MXRA5: variants seen among roughly 807,000 people sequenced by gnomAD.
MXRA5 encodes the protein matrix-remodeling-associated protein 5.
MXRA5 carries 41 observed loss-of-function variants against 112.5 expected under a neutral mutation model. The ratio of observed to expected loss-of-function variants is 0.36; its 90% CI spans 0.28 to 0.47. The LOEUF is 0.47. MXRA5 is among the 20% of genes least tolerant of loss of function. MXRA5 has a pLI of 0.99. For synonymous variants in MXRA5, 862 were observed against 900.8 expected, an observed-to-expected ratio of 0.96 and a Z score of 0.77; for missense variants, 2,150 against 2,251.0, an observed-to-expected ratio of 0.96 and a Z score of 0.91.
chrX:3,345,265 C>G (rs1922079813), intron 1 of MXRA5, among the ~76,000 whole-genome samples: 2 of 113,291 alleles, frequency 1.8e-5, no homozygotes, highest in Admixed American at 1.8e-4. Flanking sequence ...CCTTCAGCTG[C>G]CCATAAAGAA....
intron 4 of MXRA5, among the ~76,000 whole-genome samples, chrX:3,327,405 G>A (rs112594873): frequency 2.6e-4 from 29 of 112,329 alleles, no homozygotes; most frequent in African/African-American, 9.0e-4. Flanking sequence ...TTGGCCAGCT[G>A]AATTTCATGG....
Position 3,323,599 on chromosome X carries a change from C to T in MXRA5, c.2086G>A (p.Val696Met), listed in dbSNP as rs143552209. Residue 696 changes from valine (V) to methionine (M), a missense_variant, in exon 5 of 7, where the codon GTG becomes ATG. Coordinates refer to ENST00000217939, the MANE Select transcript of MXRA5 (RefSeq NM_015419.4). Reference protein sequence around the residue: ...KALSRVREDIVEDEGGSGMGD... With the variant: ...KALSRVREDIMEDEGGSGMGD... ...ATGCCCGAGCCCCCTTCATCCTCCA[C>T]GATGTCTTCTCTGACTCTGGAAAGA... 4.1e-6 allele frequency: 5 copies of T among 1,210,991 alleles called. No homozygotes were observed. The highest frequency in any genetic ancestry group is 3.0e-5 in the East Asian group (1 of 33,794).
chrX:3,320,994 T>C lies in MXRA5; in HGVS notation c.4691A>G (p.Asp1564Gly), dbSNP rs1921285253. 1 of 1,210,539 alleles carries C rather than the reference T, an allele frequency of 8.3e-7. No homozygotes were observed. Among genetic ancestry groups the C allele is most frequent in the Admixed American group, 2.2e-5 (1 of 45,799 alleles). ...TGTAGACAAGTTAAATGCATCCTGGTCGGAAGAGGGTGTTGATAATTCATT... is the reference window on the plus strand; with the variant it reads ...TGTAGACAAGTTAAATGCATCCTGGCCGGAAGAGGGTGTTGATAATTCATT... ...GPNELSTPSS[D>G]QDAFNLSTKL... Residue 1564 changes from aspartate (D) to glycine (G), a missense_variant, in exon 5 of 7, where the codon GAC (aspartate) becomes GGC (glycine). By Grantham distance (94) the Asp-to-Gly change is moderately conservative (BLOSUM62 -1). Coordinates refer to ENST00000217939, the MANE Select transcript of MXRA5 (RefSeq NM_015419.4).
chrX:3,325,340 C>A (rs1921431862), intron 4 of MXRA5, among the ~76,000 whole-genome samples: 2 of 110,025 alleles, frequency 1.8e-5, no homozygotes, highest in Non-Finnish European at 3.8e-5. Context: ...TATAAATATA[C>A]TGCAAACTGG....
At position 3,309,912 on chromosome X, in the gene MXRA5, T is replaced by G. The variant is rs1165386281; in HGVS notation, c.8291A>C (p.Asp2764Ala). 1 of 1,211,672 alleles carries G rather than the reference T, an allele frequency of 8.3e-7. No homozygotes were observed. The highest frequency in any genetic ancestry group is 3.0e-5 in the East Asian group (1 of 33,818). The change falls in exon 7 of 7, where the codon GAC becomes GCC. Residue 2764 changes from aspartate to alanine, a missense_variant. Asp to Ala is a moderately radical substitution (Grantham distance 126, BLOSUM62 -2). Around this residue, in one of 6 missense-constraint regions of MXRA5, gnomAD observed 178 missense variants for 198.2 expected, o/e 0.90. Coordinates refer to ENST00000217939, the MANE Select transcript of MXRA5 (RefSeq NM_015419.4). Reference sequence around the variant, plus strand: ...CTTATCCGGTAACTCCCACGTGATGTCAGCTTTGGGAATCCCCATAGCCAT... The same window carrying G: ...CTTATCCGGTAACTCCCACGTGATGGCAGCTTTGGGAATCCCCATAGCCAT... ...NCMAMGIPKA[D>A]ITWELPDKSH...
chrX:3,309,692 A>G lies in MXRA5; in HGVS notation c.*24T>C, dbSNP rs1256252839. On this transcript the variant is annotated 3_prime_UTR_variant, in exon 7 of 7. Coordinates refer to ENST00000217939, the MANE Select transcript of MXRA5 (RefSeq NM_015419.4). ...AACCCCGCTTTGTTGTCAGTTCCTAAGCAATCATTCTGGAATCCACATTTC... is the reference window on the plus strand; with the variant it reads ...AACCCCGCTTTGTTGTCAGTTCCTAGGCAATCATTCTGGAATCCACATTTC... The G allele has an allele frequency of 8.4e-7, 1 of 1,184,214 alleles. No homozygotes were observed. The highest frequency in any genetic ancestry group is 1.1e-6 in the Non-Finnish European group (1 of 875,377).
chrX:3,337,980 G>A (rs1921818547), intron 2 of MXRA5, among the ~76,000 whole-genome samples: 1 of 111,559 alleles, frequency 9.0e-6, no homozygotes, highest in South Asian at 3.8e-4. Flanking sequence ...GCCATGGGAT[G>A]TTTGAGAATT....
At chrX:3,341,867 A>G (rs767278694) in intron 2 of MXRA5, among the ~76,000 whole-genome samples, 103 of 104,434 alleles carry the variant, frequency 9.9e-4, no homozygotes, top group Non-Finnish European at 1.7e-3. Flanking sequence ...TGTATAAAAA[A>G]CAATTCCTAG....
At chrX:3,338,541 A>T (rs893176045) in intron 2 of MXRA5, among the ~76,000 whole-genome samples, 12 of 111,666 alleles carry the variant, frequency 1.1e-4, no homozygotes, top group Admixed American at 9.5e-5. Context: ...GATAGAATAC[A>T]TGATAGAGAT....
intron 2 of MXRA5, among the ~76,000 whole-genome samples, chrX:3,335,894 C>T (rs190764452): frequency 8.0e-5 from 9 of 112,439 alleles, no homozygotes; most frequent in Non-Finnish European, 1.7e-4. Context: ...ATGTTGTTCA[C>T]TGCAAGAAGC....
In MXRA5 at chrX:3,346,564, A is replaced by C; in HGVS notation, c.-78T>G. On this transcript the variant is annotated 5_prime_UTR_variant, in exon 1 of 7. Coordinates refer to ENST00000217939, the MANE Select transcript of MXRA5 (RefSeq NM_015419.4). ...CGGGAGCGGTGCGCCGGGAGCATCC[A>C]CCGAGCCGGGGCGCGCGAGTCACGG... is the stretch of plus-strand genomic sequence containing the variant. 2.7e-6 allele frequency: 2 copies of C among 754,196 alleles called. No homozygotes were observed. The highest frequency in any genetic ancestry group is 3.1e-6 in the Non-Finnish European group (2 of 639,264). 62.2% of individuals were successfully genotyped at this position (754,196 alleles called of 1,213,427 possible).
chrX:3,344,147 CAGAGAGAGACG>C (rs1303768162), intron 1 of MXRA5, among the ~76,000 whole-genome samples: 3 of 103,922 alleles, frequency 2.9e-5, no homozygotes, highest in Non-Finnish European at 5.9e-5. Context: ...GGCTATGAAA[CAGAGAGAGACG>C]AGAGAGAGAG....
chrX:3,323,546 T>C lies in MXRA5; in HGVS notation c.2139A>G (p.Arg713=), dbSNP rs747899602. The C allele has an allele frequency of 3.3e-6, 4 of 1,209,291 alleles. No individual in the cohort carries two copies. The highest frequency in any genetic ancestry group is 4.4e-5 in the Admixed American group (2 of 45,590). ...GMGDEENTSR[R]LLHPKDQEVF... ...CCTCTTGGTCCTTTGGATGCAGAAG[T>C]CTCCTTGAAGTGTTCTCTTCATCTC... The change falls in exon 5 of 7, where the codon AGA becomes AGG. Residue 713 remains arginine (R), a synonymous_variant. Coordinates refer to ENST00000217939, the MANE Select transcript of MXRA5 (RefSeq NM_015419.4).
Position 3,323,352 on chromosome X carries a change from A to C in MXRA5, c.2333T>G (p.Ile778Ser). The change falls in exon 5 of 7, where the codon ATT becomes AGT. Residue 778 changes from isoleucine to serine, a missense_variant. Ile to Ser is a moderately radical substitution (Grantham distance 142). Coordinates refer to ENST00000217939, the MANE Select transcript of MXRA5 (RefSeq NM_015419.4). ...RRRINMANKQ[I>S]NPERWADILA... ...AATATCAGCCCAGCGCTCCGGATTA[A>C]TCTGTTTGTTTGCCATGTTTATCCT... 1 of 1,211,572 alleles carries C rather than the reference A, an allele frequency of 8.3e-7. No individual in the cohort carries two copies. The highest frequency in any genetic ancestry group is 1.1e-6 in the Non-Finnish European group (1 of 895,455).
Position 3,310,146 on chromosome X carries a change from C to T in MXRA5, c.8057G>A (p.Gly2686Glu), listed in dbSNP as rs1276753769. The change falls in exon 7 of 7, where the codon GGA (glycine) becomes GAA (glutamate). Residue 2686 changes from glycine (G) to glutamate (E), a missense_variant. Gly to Glu is a moderately conservative substitution (Grantham distance 98, BLOSUM62 -2). Coordinates refer to ENST00000217939, the MANE Select transcript of MXRA5 (RefSeq NM_015419.4). Reference protein sequence around the residue: ...GMHLEGPQTLGRVSLLDNGTL... With the variant: ...GMHLEGPQTLERVSLLDNGTL... ...GCCATTGTCCAGAAGAGAAACGCGT[C>T]CCAGGGTTTGGGGGCCCTCCAGATG... 4 of 1,211,704 alleles carry T rather than the reference C, an allele frequency of 3.3e-6. No individual in the cohort carries two copies. The South Asian group carries it at 7.0e-5, about 21-fold the overall frequency.
At position 3,322,848 on chromosome X, in the gene MXRA5, G is replaced by T; in HGVS notation, c.2837C>A (p.Ala946Glu). 8.3e-7 allele frequency: 1 copy of T among 1,211,601 alleles called. No homozygotes were observed. ...CTCTGGTGACGATCCAACATCTGCT[G>T]CAGACCAACCCTCTGTTGCCGTCTC... ...HEETATEGWS[A>E]ADVGSSPEPT... The change falls in exon 5 of 7, where the codon GCA becomes GAA. Residue 946 changes from alanine to glutamate, a missense_variant. Physicochemically the swap from Ala to Glu is moderately radical, Grantham distance 107 (BLOSUM62 -1). Coordinates refer to ENST00000217939, the MANE Select transcript of MXRA5 (RefSeq NM_015419.4).
At position 3,323,885 on chromosome X, in the gene MXRA5, A is replaced by T. The variant is rs375696338; in HGVS notation, c.1800T>A (p.Asn600Lys). The change falls in exon 5 of 7, where the codon AAT becomes AAA. Residue 600 changes from asparagine to lysine, a missense_variant. Around this residue, in one of 6 missense-constraint regions of MXRA5, gnomAD observed 1,485 missense variants for 1,471.6 expected, o/e 1.01. Coordinates refer to ENST00000217939, the MANE Select transcript of MXRA5 (RefSeq NM_015419.4). ...NPGESVTLPCNALAIPEAHLS... is the reference protein window; with the variant it reads ...NPGESVTLPCKALAIPEAHLS... ...GGTGGGCTTCGGGTATTGCTAAAGCATTGCAAGGCAATGTCACCGACTCCC... is the reference window on the plus strand; with the variant it reads ...GGTGGGCTTCGGGTATTGCTAAAGCTTTGCAAGGCAATGTCACCGACTCCC... The T allele has an allele frequency of 1.5e-5, 18 of 1,205,876 alleles. No homozygotes were observed. In the African/African-American group the frequency reaches 3.1e-4, roughly 21 times the overall value.
At chrX:3,316,356 AAATAAATC>A (rs1181417680) in intron 6 of MXRA5, among the ~76,000 whole-genome samples, 1 of 95,825 alleles carries the variant, frequency 1.0e-5, no homozygotes, top group Admixed American at 1.1e-4. Flanking sequence ...ATAAATAAAT[AAATAAATC>A]ACACACCGGG....
In MXRA5 at chrX:3,310,931, C is replaced by G. The variant is rs41297265; in HGVS notation, c.7272G>C (p.Ala2424=). ...GNYTCLVRNS[A]GEDRKTVWIH... ...TCCACACCGTCTTCCTATCCTCTCC[C>G]GCGCTGTTCCTGACCAAGCAGGTGT... The change falls in exon 7 of 7, where the codon GCG becomes GCC. Residue 2424 remains alanine (A), a synonymous_variant. Transcript: ENST00000217939. 1.5e-5 allele frequency: 18 copies of G among 1,211,630 alleles called. No individual in the cohort carries two copies. Among genetic ancestry groups the G allele is most frequent in the Non-Finnish European group, 1.9e-5 (17 of 895,537 alleles).
Sources: allele counts gnomAD v4.1 joint callset (sites outside exome capture counted in the v4.1 genomes callset), GRCh38; gene constraint gnomAD v4.1.1; regional missense constraint gnomAD v4.1.1; transcripts MANE v1.5; gene names NCBI Gene and HGNC (gene_info 2026-07-23, HGNC 2026-07-21).